PLBD1: variants seen among roughly 807,000 people sequenced by gnomAD.
PLBD1 encodes the protein lysosomal leucine aminopeptidase.
Under a neutral mutation model 63.0 loss-of-function variants are expected in PLBD1, and 60 were observed. That is an observed-to-expected ratio of 0.95 (90% CI 0.77 to 1.18). PLBD1 has a LOEUF of 1.18. PLBD1 is among the 50% of genes most tolerant of loss of function. PLBD1 has a pLI of 0.00. For synonymous variants in PLBD1, 262 were observed against 248.0 expected (o/e 1.06, Z -0.53); for missense variants, 598 against 677.9 (o/e 0.88, Z 1.31).
chr12:14,528,810 A>G (rs977383946), intron 6 of PLBD1, among the ~76,000 whole-genome samples: 1 of 152,182 alleles, frequency 6.6e-6, no homozygotes, highest in Non-Finnish European at 1.5e-5. Flanking sequence ...TACAGACATT[A>G]AGAGGTTAAG....
chr12:14,526,590 G>A (rs1945416820), intron 6 of PLBD1, among the ~76,000 whole-genome samples: 1 of 152,196 alleles, frequency 6.6e-6, no homozygotes, highest in South Asian at 2.1e-4. Context: ...TATACTGTAT[G>A]TATGCATTGG....
intron 1 of PLBD1, among the ~76,000 whole-genome samples, chr12:14,559,131 GGT>G (rs1945728326): frequency 6.6e-6 from 1 of 152,138 alleles, no homozygotes; most frequent in African/African-American, 2.4e-5. Flanking sequence ...CATGATGGGA[GGT>G]GGCTGGTATG....
In PLBD1 at chr12:14,551,344, CAG is replaced by C. The variant is rs553421190; in HGVS notation, c.335+1847_335+1848del. Among the ~76,000 whole-genome samples, 445 of 152,246 alleles carry C rather than the reference CAG, an allele frequency of 2.9e-3. 2 individuals are homozygous for C. Among genetic ancestry groups the C allele is most frequent in the African/African-American group, 0.01 (427 of 41,530 alleles). ...CGCCACTGCACTCCAGCCTGGGCAA[CAG>C]AGAGACTCTAACTCAAAACAAACAA... On this transcript the variant is annotated intron_variant, in intron 2 of 10. Transcript: ENST00000240617.
At position 14,506,874 on chromosome 12, in the gene PLBD1, G is replaced by A. The variant is rs12825370; in HGVS notation, c.1372+59C>T. The A allele has an allele frequency of 4.1e-6, 6 of 1,472,390 alleles. No homozygotes were observed. In the South Asian group the frequency reaches 7.3e-5, roughly 18 times the overall value. 91.2% of individuals were successfully genotyped at this position (1,472,390 alleles called of 1,614,324 possible). A position where few individuals can be genotyped will look rare whatever the true frequency, so the allele number is the denominator to read the frequency against. The stretch of plus-strand genomic sequence containing the variant: ...GAGATGATAAACTTACATGGATTCT[G>A]TATCCATAGGGAAGAAAAGGAGTTT... On this transcript the variant is annotated intron_variant, in intron 9 of 10. Transcript: ENST00000240617.
intron 1 of PLBD1, among the ~76,000 whole-genome samples, chr12:14,558,770 G>A (rs923276297): frequency 1.3e-5 from 2 of 152,110 alleles, no homozygotes; most frequent in Non-Finnish European, 2.9e-5. Flanking sequence ...ACTAAACCAA[G>A]AGCTATGTTT....
At chr12:14,521,336 G>A (rs1945374380) in intron 6 of PLBD1, among the ~76,000 whole-genome samples, 1 of 152,092 alleles carries the variant, frequency 6.6e-6, no homozygotes, top group Non-Finnish European at 1.5e-5. Flanking sequence ...CTATGCACTT[G>A]CGGTGTGTGT....
Position 14,511,402 on chromosome 12 carries a change from T to C in PLBD1, c.1046-2A>G, listed in dbSNP as rs925300894. 6.2e-7 allele frequency: 1 copy of C among 1,613,186 alleles called. No individual in the cohort carries two copies. Among genetic ancestry groups the C allele is most frequent in the African/African-American group, 1.3e-5 (1 of 74,966 alleles). ...CCATGTATTGATTGTTATAGGTGCC[T>C]GAAATATCAGGAAACATGAAGACGG... On this transcript the variant is annotated splice_acceptor_variant, in intron 7 of 10. Transcript: ENST00000240617. LOFTEE classifies it high-confidence loss of function.
intron 4 of PLBD1, among the ~76,000 whole-genome samples, chr12:14,540,367 G>T (rs1169677517): frequency 1.3e-5 from 2 of 151,820 alleles, no homozygotes; most frequent in Admixed American, 1.3e-4. Context: ...ATATGTGTTT[G>T]TGTGGATATG....
In PLBD1 at chr12:14,540,836, T is replaced by C. The variant is rs1205960212; in HGVS notation, c.486A>G (p.Thr162=). The C allele has an allele frequency of 6.2e-7, 1 of 1,611,342 alleles. No individual in the cohort carries two copies. Among genetic ancestry groups the C allele is most frequent in the African/African-American group, 1.3e-5 (1 of 75,014 alleles). ...EYKTDSFWRH[T]GYVMAQIDGL... ...CATCTATTTGTGCCATCACATAGCCTGTATGTCTCCAAAATGAATCAGTCT... is the reference window on the plus strand; with the variant it reads ...CATCTATTTGTGCCATCACATAGCCCGTATGTCTCCAAAATGAATCAGTCT... The change falls in exon 4 of 11, where the codon ACA becomes ACG. Residue 162 remains threonine, a synonymous_variant. Coordinates refer to ENST00000240617, the MANE Select transcript of PLBD1 (RefSeq NM_024829.6).
At chr12:14,556,989 C>CAA (rs71038607) in intron 1 of PLBD1, among the ~76,000 whole-genome samples, 10,959 of 76,186 alleles carry the variant, frequency 0.14, 1,454 homozygotes, top group South Asian at 0.26. Flanking sequence ...AATTCCCTCT[C>CAA]AAAAAAAAAA....
Position 14,521,048 on chromosome 12 carries a change from C to T in PLBD1, c.845-9337G>A, listed in dbSNP as rs549032572. Among the ~76,000 whole-genome samples, 130 of 152,272 alleles carry T rather than the reference C, an allele frequency of 8.5e-4. 1 individual carries two copies. The highest frequency in any genetic ancestry group is 8.1e-3 in the South Asian group (39 of 4,822). Reference sequence around the variant, plus strand: ...GTAACCACTGTTTGTTTCTCCCCATCCTGAGGCTCTGCTGCAAGTACACTG... The same window carrying T: ...GTAACCACTGTTTGTTTCTCCCCATTCTGAGGCTCTGCTGCAAGTACACTG... On this transcript the variant is annotated intron_variant, in intron 6 of 10. Coordinates refer to ENST00000240617, the MANE Select transcript of PLBD1 (RefSeq NM_024829.6).
chr12:14,518,627 T>C (rs533409956), intron 6 of PLBD1, among the ~76,000 whole-genome samples: 2 of 152,346 alleles, frequency 1.3e-5, no homozygotes, highest in South Asian at 4.1e-4. Context: ...GTTCCTACCA[T>C]GTCCACATCA....
At chr12:14,546,820 T>C (rs980304043) in intron 2 of PLBD1, among the ~76,000 whole-genome samples, 5 of 152,344 alleles carry the variant, frequency 3.3e-5, no homozygotes, top group African/African-American at 1.2e-4. Flanking sequence ...ACAAGACAGA[T>C]AGAAATACAG....
At chr12:14,504,402 TAC>T (rs1469454905) in intron 10 of PLBD1, among the ~76,000 whole-genome samples, 22 of 152,220 alleles carry the variant, frequency 1.4e-4, no homozygotes, top group African/African-American at 5.1e-4. Flanking sequence ...CTTTATATGA[TAC>T]AGTCTTCTGT....
chr12:14,513,637 G>A (rs1565571470), intron 6 of PLBD1, among the ~76,000 whole-genome samples: 1 of 152,058 alleles, frequency 6.6e-6, no homozygotes, highest in Non-Finnish European at 1.5e-5. Context: ...TTCTTATTTT[G>A]CCTCTCTCTT....
In PLBD1 at chr12:14,536,522, A is replaced by G. The variant is rs1945516081; in HGVS notation, c.699+48T>C. 3.1e-6 allele frequency: 5 copies of G among 1,596,752 alleles called. No homozygotes were observed. The East Asian group carries it at 9.0e-5, about 29-fold the overall frequency. On this transcript the variant is annotated intron_variant, in intron 5 of 10. Transcript: ENST00000240617. ...TGCTATACTTGGGCGCTATATAGAA[A>G]AAGTCTGTATGAACCAGAACAAGGC...
At chr12:14,517,208 G>A (rs1265248683) in intron 6 of PLBD1, among the ~76,000 whole-genome samples, 1 of 152,108 alleles carries the variant, frequency 6.6e-6, no homozygotes, top group Non-Finnish European at 1.5e-5. Context: ...GTGCCGTGGC[G>A]TGATCAAGGC....
chr12:14,565,302 C>A (rs1945772287), intron 1 of PLBD1, among the ~76,000 whole-genome samples: 1 of 151,776 alleles, frequency 6.6e-6, no homozygotes, highest in South Asian at 2.1e-4. Flanking sequence ...CCCATCTCTA[C>A]AAAAAATATA....
chr12:14,530,413 T>C (rs527809113), intron 6 of PLBD1, among the ~76,000 whole-genome samples: 3 of 152,346 alleles, frequency 2.0e-5, no homozygotes, highest in South Asian at 4.1e-4. Context: ...TAAATCATTA[T>C]TGTTTTTAGC....
Sources: gnomAD v4.1 joint callset for allele counts (sites outside exome capture counted in the v4.1 genomes callset) on GRCh38, gnomAD v4.1.1 for gene constraint, MANE v1.5 for transcripts, NCBI Gene and HGNC (gene_info 2026-07-23, HGNC 2026-07-21) for gene names.